The following NALCN variants were observed in gnomAD, a reference collection of about 807,000 sequenced individuals.
The protein encoded by NALCN is sodium leak channel NALCN.
A neutral mutation model predicts 225.3 loss-of-function variants in NALCN; 111 were observed. The ratio of observed to expected loss-of-function variants is 0.49; its 90% confidence interval spans 0.42 to 0.58. NALCN has a LOEUF of 0.58. NALCN is among the 20% of genes least tolerant of loss of function. NALCN has a pLI of 0.00. For missense variants in NALCN, 1,378 were observed against 2,202.4 expected (o/e 0.63, Z 7.49); for synonymous variants, 764 against 769.0 (o/e 0.99, Z 0.11).
At chr13:101,058,104 T>G (rs758114162) in intron 42 of NALCN, 48 bp from the exon 43 acceptor site, 11 of 1,503,270 alleles carry the variant, frequency 7.3e-6, no homozygotes, top group Non-Finnish European at 1.0e-5. Context: ...AACCCTGCGC[T>G]CTCCTCCTTT....
intron 10 of NALCN, among the ~76,000 whole-genome samples, chr13:101,283,377 T>A (rs2043232161): frequency 6.6e-6 from 1 of 152,106 alleles, no homozygotes; most frequent in Admixed American, 6.6e-5. Flanking sequence ...AGATGGTTTT[T>A]CCAGAAAGTT....
intron 22 of NALCN, among the ~76,000 whole-genome samples, chr13:101,106,572 A>G (rs891073849): frequency 6.6e-6 from 1 of 152,138 alleles, no homozygotes; most frequent in East Asian, 1.9e-4. Flanking sequence ...GGTAGCTCCC[A>G]TAATTCCCAC....
intron 15 of NALCN, among the ~76,000 whole-genome samples, chr13:101,171,743 A>G (rs17485351): frequency 0.25 from 37,359 of 152,084 alleles, 5,382 homozygotes; most frequent in Non-Finnish European, 0.33. Context: ...AGAGGCGGTG[A>G]TGGGAATAAA....
intron 15 of NALCN, among the ~76,000 whole-genome samples, chr13:101,173,934 A>C (rs2038853292): frequency 6.6e-6 from 1 of 152,202 alleles, no homozygotes; most frequent in African/African-American, 2.4e-5. Flanking sequence ...TGAATGCATG[A>C]GAATGTGTGT....
chr13:101,062,350 T>C (rs1048583406), intron 40 of NALCN, among the ~76,000 whole-genome samples: 1 of 152,144 alleles, frequency 6.6e-6, no homozygotes, highest in Admixed American at 6.5e-5. Context: ...ATTTAATGAC[T>C]AAGTGAGTTA....
intron 17 of NALCN, among the ~76,000 whole-genome samples, chr13:101,136,949 T>A (rs1181333530): frequency 1.3e-5 from 2 of 152,198 alleles, no homozygotes; most frequent in Admixed American, 1.3e-4. Flanking sequence ...TTTCTCCACA[T>A]CCTCTCCAGC....
intron 13 of NALCN, among the ~76,000 whole-genome samples, chr13:101,198,422 A>G (rs1484909377): frequency 6.6e-6 from 1 of 152,228 alleles, no homozygotes; most frequent in East Asian, 1.9e-4. Flanking sequence ...CAGAATCTAC[A>G]ATGAACTCAA....
chr13:101,110,284 T>C (rs375674099), intron 20 of NALCN, among the ~76,000 whole-genome samples: 2 of 152,210 alleles, frequency 1.3e-5, no homozygotes, highest in South Asian at 2.1e-4. Flanking sequence ...CGATTCTCAG[T>C]GAATATTCAA....
At chr13:101,342,580 T>C (rs2045590733) in intron 7 of NALCN, among the ~76,000 whole-genome samples, 1 of 152,194 alleles carries the variant, frequency 6.6e-6, no homozygotes, top group Non-Finnish European at 1.5e-5. Context: ...TCTTAGAATA[T>C]TGCTATCCTG....
chr13:101,176,207 T>C (rs1374186801), intron 15 of NALCN, 93 bp downstream of exon 15: 1 of 881,126 alleles, frequency 1.1e-6, no homozygotes, highest in East Asian at 3.0e-5. Flanking sequence ...TTATTTTTAC[T>C]TTGAAGCTCA....
At chr13:101,258,393 C>T (rs1409536405) in intron 11 of NALCN, 50 bp downstream of exon 11, 6 of 1,610,120 alleles carry the variant, frequency 3.7e-6, no homozygotes, top group African/African-American at 2.7e-5. Flanking sequence ...GCACTGTCCG[C>T]GGTTCACCTG....
At chr13:101,286,810 C>G (rs1594606137) in intron 9 of NALCN, among the ~76,000 whole-genome samples, 1 of 151,016 alleles carries the variant, frequency 6.6e-6, no homozygotes, top group East Asian at 2.0e-4. Flanking sequence ...CAGCTTAAAC[C>G]CATTCCCCAG....
At chr13:101,353,830 T>C (rs1398747154) in intron 6 of NALCN, among the ~76,000 whole-genome samples, 1 of 152,174 alleles carries the variant, frequency 6.6e-6, no homozygotes, top group African/African-American at 2.4e-5. Flanking sequence ...GACTATGAAA[T>C]TTAAGTGACA....
chr13:101,271,572 CCT>C (rs2042775768), intron 10 of NALCN, among the ~76,000 whole-genome samples: 1 of 151,826 alleles, frequency 6.6e-6, no homozygotes, highest in Non-Finnish European at 1.5e-5. Context: ...TTTATATTCC[CCT>C]GAGAAATTGA....
chr13:101,415,704 T>A lies in NALCN; in HGVS notation c.-40+609A>T, dbSNP rs561589023. Among the ~76,000 whole-genome samples the A allele has an allele frequency of 4.6e-5, 7 of 152,260 alleles. No homozygotes were observed. The East Asian group carries it at 1.2e-3, about 25-fold the overall frequency. ...AATGACGGCTGCTTAACAAGGCCAATGAATATCATAAGGGACATTTAGCAA... is the reference window on the plus strand; with the variant it reads ...AATGACGGCTGCTTAACAAGGCCAAAGAATATCATAAGGGACATTTAGCAA... On this transcript the variant is annotated intron_variant, in intron 1 of 43. Transcript: ENST00000251127.
At chr13:101,333,686 G>A (rs1275614594) in intron 7 of NALCN, among the ~76,000 whole-genome samples, 1 of 152,200 alleles carries the variant, frequency 6.6e-6, no homozygotes, top group African/African-American at 2.4e-5. Flanking sequence ...TGAGGTAAGA[G>A]CTGTGTTACG....
chr13:101,300,046 G>T (rs1377890655), intron 7 of NALCN, among the ~76,000 whole-genome samples: 1 of 151,684 alleles, frequency 6.6e-6, no homozygotes, highest in Non-Finnish European at 1.5e-5. Context: ...GCAGCGAGGG[G>T]TGTGTACTCT....
At chr13:101,057,909 A>T in intron 43 of NALCN, 30 bp downstream of exon 43, 1 of 1,551,792 alleles carries the variant, frequency 6.4e-7, no homozygotes, top group Non-Finnish European at 8.9e-7. Flanking sequence ...AAATGCCTCG[A>T]TCGCTGGAGA....
chr13:101,386,838 A>C lies in NALCN; in HGVS notation c.292-8185T>G, dbSNP rs1402496985. Among the ~76,000 whole-genome samples the C allele has an allele frequency of 4.7e-5, 7 of 148,138 alleles. No individual in the cohort carries two copies. In the East Asian group the frequency reaches 1.3e-3, roughly 28 times the overall value. On this transcript the variant is annotated intron_variant, in intron 3 of 43. Transcript: ENST00000251127. ...TAGGTATAATTTTAAAGAACTGTGC[A>C]TGACAGCTGGGCAAAAATACATTGG...
Sources: allele counts gnomAD v4.1 joint callset (sites outside exome capture counted in the v4.1 genomes callset), GRCh38; gene constraint gnomAD v4.1.1; transcripts MANE v1.5; gene names NCBI Gene and HGNC (gene_info 2026-07-23, HGNC 2026-07-21).